NUDT10: variants seen among roughly 807,000 people sequenced by gnomAD.
The protein encoded by NUDT10 is diphosphoinositol polyphosphate phosphohydrolase 3-alpha.
In NUDT10, 2 loss-of-function variants were observed where a neutral mutation model predicts 10.5. That is an observed-to-expected ratio of 0.19 (90% confidence interval 0.08 to 0.60). The LOEUF (loss-of-function observed/expected upper bound fraction) is 0.60, where lower values mean the gene tolerates loss of function less well. Ranked by LOEUF, NUDT10 falls within the 20% of genes least tolerant of loss-of-function variation. The pLI is 0.89. For synonymous variants in NUDT10, 53 were observed against 71.8 expected, an observed-to-expected ratio of 0.74 and a Z score of 1.32; for missense variants, 75 against 149.5, an observed-to-expected ratio of 0.50 and a Z score of 2.60.
chrX:51,335,332 G>A (rs1283779731), intron 1 of NUDT10, among the ~76,000 whole-genome samples: 1 of 103,372 alleles, frequency 9.7e-6, no homozygotes, highest in African/African-American at 3.5e-5. Context: ...AAAAAAGACT[G>A]ATTTTCCCCC....
chrX:51,332,861 C>T lies in NUDT10; in HGVS notation c.-105C>T. 9.2e-7 allele frequency: 1 copy of T among 1,089,857 alleles called. No individual in the cohort carries two copies. The highest frequency in any genetic ancestry group is 1.2e-6 in the Non-Finnish European group (1 of 825,386). 89.8% of individuals were successfully genotyped at this position (1,089,857 alleles called of 1,213,427 possible). A position where few individuals can be genotyped will look rare whatever the true frequency, so the allele number is the denominator to read the frequency against. Reference sequence around the variant, plus strand: ...GGCGCCTCTCTCTCCCCGCCCCTCTCCTCGGCCCTTTCTCTTCCCAGCACC... The same window carrying T: ...GGCGCCTCTCTCTCCCCGCCCCTCTTCTCGGCCCTTTCTCTTCCCAGCACC... On this transcript the variant is annotated 5_prime_UTR_variant, in exon 1 of 2. Coordinates refer to ENST00000356450, the MANE Select transcript of NUDT10 (RefSeq NM_001304963.2).
Position 51,337,038 on chromosome X carries a change from C to G in NUDT10, c.*799C>G, listed in dbSNP as rs1224146508. The stretch of plus-strand genomic sequence containing the variant: ...TTTTACACCATGGAGATGAGATCAG[C>G]AGAATCCAGACTATAAGAAACTACA... On this transcript the variant is annotated 3_prime_UTR_variant, in exon 2 of 2. Transcript: ENST00000356450. 1 of 112,143 alleles carries G rather than the reference C, an allele frequency of 8.9e-6. No homozygotes were observed. Among genetic ancestry groups the G allele is most frequent in the Non-Finnish European group, 1.9e-5 (1 of 53,276 alleles). The allele number at this position is 112,143 out of a possible 1,213,427, so 9.2% of individuals were successfully genotyped here. A position where few individuals can be genotyped will look rare whatever the true frequency, so the allele number is the denominator to read the frequency against.
At chrX:51,332,792 T>C (rs1207200314), upstream of NUDT10, 2 of 765,233 alleles carry the variant, frequency 2.6e-6, no homozygotes, top group Non-Finnish European at 3.6e-6. Context: ...CCCAGCTTCA[T>C]CTCTCCCTCC....
intron 1 of NUDT10, among the ~76,000 whole-genome samples, chrX:51,334,339 C>T (rs1331203758): frequency 8.9e-6 from 1 of 112,205 alleles, no homozygotes; most frequent in African/African-American, 3.2e-5. Flanking sequence ...CAACTTCCAA[C>T]TCCCATTGCC....
In NUDT10 at chrX:51,333,227, G is replaced by C. The variant is rs143500991; in HGVS notation, c.262G>C (p.Asp88His). The stretch of plus-strand genomic sequence containing the variant: ...CCTGGGCGTCTTCGAACAGAACCAG[G>C]ACCCCAAGCACAGAACGTACGTGTA... ...RLLGVFEQNQ[D>H]PKHRTYVYVL... is the part of the protein sequence containing the mutation. Residue 88 changes from aspartate (D) to histidine (H), a missense_variant, in exon 1 of 2, where the codon GAC becomes CAC. Transcript: ENST00000356450. The C allele has an allele frequency of 2.1e-4, 251 of 1,209,054 alleles. No individual in the cohort carries two copies. The highest frequency in any genetic ancestry group is 2.7e-4 in the Non-Finnish European group (243 of 894,941).
At chrX:51,333,926 G>A (rs1449043536) in intron 1 of NUDT10, among the ~76,000 whole-genome samples, 1 of 110,984 alleles carries the variant, frequency 9.0e-6, no homozygotes, top group Non-Finnish European at 1.9e-5. Flanking sequence ...GACCAGCTTG[G>A]TTGTGTGGCA....
Position 51,333,175 on chromosome X carries a change from G to A in NUDT10, c.210G>A (p.Ala70=), listed in dbSNP as rs139990113. 47 of 1,208,993 alleles carry A rather than the reference G, an allele frequency of 3.9e-5. No individual in the cohort carries two copies. The African/African-American group carries it at 7.0e-4, about 18-fold the overall frequency. Reference sequence around the variant, plus strand: ...CGGTCCGAGAGGTGTACGAAGAGGCGGGAGTCAAGGGGAAGTTAGGCCGGC... The same window carrying A: ...CGGTCCGAGAGGTGTACGAAGAGGCAGGAGTCAAGGGGAAGTTAGGCCGGC... ...GAAVREVYEE[A]GVKGKLGRLL... is the part of the protein sequence containing the mutation. Residue 70 remains alanine (A), a synonymous_variant, in exon 1 of 2, where the codon GCG becomes GCA. Transcript: ENST00000356450.
intron 1 of NUDT10, among the ~76,000 whole-genome samples, chrX:51,335,262 G>A (rs1449179987): frequency 1.0e-5 from 1 of 99,212 alleles, no homozygotes; most frequent in Non-Finnish European, 2.0e-5. Flanking sequence ...AGGTTGCAGC[G>A]AGCCGAGATC....
At chrX:51,334,942 C>T (rs1443895121) in intron 1 of NUDT10, among the ~76,000 whole-genome samples, 2 of 109,841 alleles carry the variant, frequency 1.8e-5, no homozygotes, top group Non-Finnish European at 3.8e-5. Flanking sequence ...TTTTGGGTTT[C>T]GCTATGTAAA....
At position 51,337,304 on chromosome X, in the gene NUDT10, C is replaced by T. The variant is rs1382506781; in HGVS notation, c.*1065C>T. ...TATCATTATGTTAGAAAGAAGGGTC[C>T]TCATCTACATTCTCAAACATCTGTG... On this transcript the variant is annotated 3_prime_UTR_variant, in exon 2 of 2. Transcript: ENST00000356450. 1 of 111,564 alleles carries T rather than the reference C, an allele frequency of 9.0e-6. No homozygotes were observed. Among genetic ancestry groups the T allele is most frequent in the Non-Finnish European group, 1.9e-5 (1 of 53,138 alleles). The allele number at this position is 111,564 out of a possible 1,213,427, so 9.2% of individuals were successfully genotyped here. A position where few individuals can be genotyped will look rare whatever the true frequency, so the allele number is the denominator to read the frequency against.
rs782764636 is a variant in NUDT10, at chrX:51,333,117, G to T, written c.152G>T (p.Gly51Val). ...YPDRWIVPGG[G>V]MEPEEEPGGA... ...GACCGCTGGATCGTGCCGGGCGGGGGCATGGAGCCCGAGGAGGAGCCGGGC... is the reference window on the plus strand; with the variant it reads ...GACCGCTGGATCGTGCCGGGCGGGGTCATGGAGCCCGAGGAGGAGCCGGGC... The change falls in exon 1 of 2, where the codon GGC becomes GTC. Residue 51 changes from glycine to valine, a missense_variant. Transcript: ENST00000356450. 8.3e-7 allele frequency: 1 copy of T among 1,208,195 alleles called. No homozygotes were observed. Among genetic ancestry groups the T allele is most frequent in the Non-Finnish European group, 1.1e-6 (1 of 894,333 alleles).
rs1232461106 is a variant in NUDT10, at chrX:51,336,235, T to A, written c.*-4T>A. The stretch of plus-strand genomic sequence containing the variant: ...ACCCTATTAATAAGAATTTTTCTTT[T>A]TAGGTGAATGGCATAGATGTTGTTC... On this transcript the variant is annotated splice_region_variant and splice_polypyrimidine_tract_variant and intron_variant, in intron 1 of 1. Coordinates refer to ENST00000356450, the MANE Select transcript of NUDT10 (RefSeq NM_001304963.2). The A allele has an allele frequency of 1.8e-6, 1 of 562,747 alleles. No homozygotes were observed. Among genetic ancestry groups the A allele is most frequent in the African/African-American group, 2.2e-5 (1 of 44,728 alleles). 46.4% of individuals were successfully genotyped at this position (562,747 alleles called of 1,213,427 possible). A position where few individuals can be genotyped will look rare whatever the true frequency, so the allele number is the denominator to read the frequency against.
At chrX:51,333,853 G>GGTGAGC (rs1227137711) in intron 1 of NUDT10, among the ~76,000 whole-genome samples, 6 of 108,014 alleles carry the variant, frequency 5.6e-5, no homozygotes, top group Non-Finnish European at 5.7e-5. Flanking sequence ...CATATTCGTG[G>GGTGAGC]GTGCGTGCAC....
Position 51,332,863 on chromosome X carries a change from T to G in NUDT10, c.-103T>G. 9.2e-7 allele frequency: 1 copy of G among 1,092,461 alleles called. No homozygotes were observed. The highest frequency in any genetic ancestry group is 1.9e-5 in the African/African-American group (1 of 54,049). The allele number at this position is 1,092,461 out of a possible 1,213,427, so 90.0% of individuals were successfully genotyped here. A position where few individuals can be genotyped will look rare whatever the true frequency, so the allele number is the denominator to read the frequency against. On this transcript the variant is annotated 5_prime_UTR_variant, in exon 1 of 2. Coordinates refer to ENST00000356450, the MANE Select transcript of NUDT10 (RefSeq NM_001304963.2). ...CGCCTCTCTCTCCCCGCCCCTCTCC[T>G]CGGCCCTTTCTCTTCCCAGCACCTC...
In NUDT10 at chrX:51,333,004, C is replaced by G; in HGVS notation, c.39C>G (p.Pro13=). The stretch of plus-strand genomic sequence containing the variant: ...CCAACCAGACACGGACCTACGACCC[C>G]GAGGGGTTCAAGAAGCGGGCGGCGT... ...CKPNQTRTYD[P]EGFKKRAACL... is the part of the protein sequence containing the mutation. Residue 13 remains proline (P), a synonymous_variant, in exon 1 of 2, where the codon CCC becomes CCG. Transcript: ENST00000356450. The G allele has an allele frequency of 9.1e-6, 11 of 1,211,490 alleles. No homozygotes were observed. The highest frequency in any genetic ancestry group is 1.2e-5 in the Non-Finnish European group (11 of 895,379).
At position 51,336,260 on chromosome X, in the gene NUDT10, C is replaced by A; in HGVS notation, c.*21C>A. On this transcript the variant is annotated 3_prime_UTR_variant, in exon 2 of 2. Transcript: ENST00000356450. ...TTAGGTGAATGGCATAGATGTTGTT[C>A]AGATTTACTTTGAAAGAATCAAGTA... 1.8e-6 allele frequency: 1 copy of A among 561,602 alleles called. No homozygotes were observed. The highest frequency in any genetic ancestry group is 2.4e-5 in the South Asian group (1 of 42,292). The allele number at this position is 561,602 out of a possible 1,213,427, so 46.3% of individuals were successfully genotyped here.
At position 51,332,992 on chromosome X, in the gene NUDT10, G is replaced by A. The variant is rs1299262627; in HGVS notation, c.27G>A (p.Arg9=). MKCKPNQT[R]TYDPEGFKKR... is the part of the protein sequence containing the mutation. ...TGAAGTGCAAACCCAACCAGACACG[G>A]ACCTACGACCCCGAGGGGTTCAAGA... is the stretch of plus-strand genomic sequence containing the variant. The change falls in exon 1 of 2, where the codon CGG becomes CGA. Residue 9 remains arginine (R), a synonymous_variant. Coordinates refer to ENST00000356450, the MANE Select transcript of NUDT10 (RefSeq NM_001304963.2). 1 of 1,209,736 alleles carries A rather than the reference G, an allele frequency of 8.3e-7. No individual in the cohort carries two copies. Among genetic ancestry groups the A allele is most frequent in the African/African-American group, 1.7e-5 (1 of 57,173 alleles).
Position 51,332,922 on chromosome X carries a change from G to C in NUDT10, c.-44G>C. 2 of 1,191,867 alleles carry C rather than the reference G, an allele frequency of 1.7e-6. No individual in the cohort carries two copies. Among genetic ancestry groups the C allele is most frequent in the Non-Finnish European group, 2.3e-6 (2 of 884,459 alleles). On this transcript the variant is annotated 5_prime_UTR_variant, in exon 1 of 2. Transcript: ENST00000356450. ...CCCGGCAGCGGCAGCAGCTGCGTCG[G>C]CGGCCCACACAGCAGCGAGAGGCGA...
chrX:51,334,094 C>A (rs1922770401), intron 1 of NUDT10, among the ~76,000 whole-genome samples: 2 of 112,038 alleles, frequency 1.8e-5, no homozygotes, highest in African/African-American at 6.5e-5. Context: ...CTGCACTCGA[C>A]AGTCGCTCTA....
Sources: allele counts gnomAD v4.1 joint callset (sites outside exome capture counted in the v4.1 genomes callset), GRCh38; gene constraint gnomAD v4.1.1; transcripts MANE v1.5; gene names NCBI Gene and HGNC (gene_info 2026-07-23, HGNC 2026-07-21).